Variants in MINK1 observed in about 807,000 individuals in gnomAD.
MINK1 encodes the protein misshapen-like kinase 1.
MINK1 carries 46 observed loss-of-function variants against 178.4 expected under a neutral mutation model. The observed-to-expected ratio is 0.26, with a 90% CI of 0.20 to 0.33. MINK1 has a LOEUF of 0.33. Among genes scored for constraint, MINK1 ranks in the 10% least tolerant of loss-of-function variants. MINK1 has a pLI of 1.00. For missense variants in MINK1, 1,366 were observed against 1,814.9 expected (o/e 0.75, Z 4.49); for synonymous variants, 797 against 709.7 (o/e 1.12, Z -1.96).
At chr17:4,861,213 C>G (rs527391808) in intron 1 of MINK1, among the ~76,000 whole-genome samples, 3 of 152,224 alleles carry the variant, frequency 2.0e-5, no homozygotes, top group Non-Finnish European at 4.4e-5. Flanking sequence ...CCAGGACGTG[C>G]TGCTTGGGGC....
chr17:4,890,264 G>T, intron 13 of MINK1: 1 of 1,233,014 alleles, frequency 8.1e-7, no homozygotes, highest in Non-Finnish European at 1.0e-6. Context: ...GCGACAGCTC[G>T]AGATCCTTCA....
chr17:4,892,895 G>T (rs1969005061), intron 19 of MINK1, 84 bp from the exon 20 acceptor site: 2 of 1,416,752 alleles, frequency 1.4e-6, no homozygotes, highest in East Asian at 5.0e-5. Flanking sequence ...ATGGAACTTG[G>T]GGCTGAGTTC....
Position 4,895,468 on chromosome 17 carries a change from G to T in MINK1, c.3204G>T (p.Gly1068=), listed in dbSNP as rs1969349096. Residue 1068 remains glycine, a synonymous_variant, in exon 26 of 32, where the codon GGG becomes GGT. Coordinates refer to ENST00000355280, the MANE Select transcript of MINK1 (RefSeq NM_153827.5). The surrounding 1 kb of genome is among the most constrained non-coding windows in gnomAD (Gnocchi z 4.3). The part of the protein sequence containing the change: ...RRFQQMDVLE[G]LNLLITISGK... ...TCCAGCAGATGGATGTGCTGGAGGG[G>T]CTCAACCTGCTCATCACCATCTCAG... The T allele has an allele frequency of 6.3e-7, 1 of 1,591,640 alleles. No individual in the cohort carries two copies. Among genetic ancestry groups the T allele is most frequent in the African/African-American group, 1.3e-5 (1 of 74,750 alleles).
rs559627643 is a variant in MINK1, at chr17:4,897,568, C to A, written c.*281C>A. 1.2e-5 allele frequency: 5 copies of A among 401,206 alleles called. No individual in the cohort carries two copies. Among genetic ancestry groups the A allele is most frequent in the South Asian group, 9.7e-5 (3 of 30,924 alleles). 24.9% of individuals were successfully genotyped at this position (401,206 alleles called of 1,614,324 possible). A position where few individuals can be genotyped will look rare whatever the true frequency, so the allele number is the denominator to read the frequency against. On this transcript the variant is annotated 3_prime_UTR_variant, in exon 32 of 32. Transcript: ENST00000355280. Reference sequence around the variant, plus strand: ...AATTGAGTGGGCCTAGCCCCTCCCCCCTTTTCTCCATTTGAGAGGAGAGTG... The same window carrying A: ...AATTGAGTGGGCCTAGCCCCTCCCCACTTTTCTCCATTTGAGAGGAGAGTG...
At chr17:4,848,267 A>G (rs141672411) in intron 1 of MINK1, among the ~76,000 whole-genome samples, 3 of 152,260 alleles carry the variant, frequency 2.0e-5, no homozygotes, top group African/African-American at 7.2e-5. Context: ...GCTCCCTGCA[A>G]CTGCACAGAC....
rs770318950 is a variant in MINK1, at chr17:4,895,767, A to C, written c.3299A>C (p.Glu1100Ala). The change falls in exon 27 of 32, where the codon GAA becomes GCA. Residue 1100 changes from glutamate to alanine, a missense_variant. Physicochemically the swap from Glu to Ala is moderately radical, Grantham distance 107 (BLOSUM62 -1). This residue lies in a region of MINK1 where 77 missense variants were observed against 119.5 expected (regional missense o/e 0.64). Coordinates refer to ENST00000355280, the MANE Select transcript of MINK1 (RefSeq NM_153827.5). This position sits in a 1 kb window ranked among gnomAD's most constrained non-coding sequence, Gnocchi z 4.3. The stretch of plus-strand genomic sequence containing the variant: ...AACAAGATTCTGCACAATGACCCAG[A>C]AGTGGAGAAGAAGCAGGGCTGGACC... ...LRNKILHNDP[E>A]VEKKQGWTTV... is the part of the protein sequence containing the mutation. The C allele has an allele frequency of 6.2e-7, 1 of 1,613,816 alleles. No individual in the cohort carries two copies. Among genetic ancestry groups the C allele is most frequent in the Admixed American group, 1.7e-5 (1 of 60,002 alleles).
chr17:4,896,165 A>G lies in MINK1; in HGVS notation c.3466-28A>G. 6.2e-7 allele frequency: 1 copy of G among 1,602,018 alleles called. No individual in the cohort carries two copies. The highest frequency in any genetic ancestry group is 8.5e-7 in the Non-Finnish European group (1 of 1,173,572). On this transcript the variant is annotated intron_variant, in intron 28 of 31. Coordinates refer to ENST00000355280, the MANE Select transcript of MINK1 (RefSeq NM_153827.5). This position sits in a 1 kb window ranked among gnomAD's most constrained non-coding sequence, Gnocchi z 4.6. Reference sequence around the variant, plus strand: ...CCCAGCGCCTCTCCCCGTGCCCCTGAGCCCTCCTCTCCTCCGGTTCTCTGC... The same window carrying G: ...CCCAGCGCCTCTCCCCGTGCCCCTGGGCCCTCCTCTCCTCCGGTTCTCTGC...
chr17:4,851,040 T>C (rs1911872384), intron 1 of MINK1: 3 of 459,354 alleles, frequency 6.5e-6, no homozygotes, highest in South Asian at 4.6e-5. Flanking sequence ...TCCTCCCTTC[T>C]GTCTCACCTG....
In MINK1 at chr17:4,894,641, C is replaced by T. The variant is rs1969243788; in HGVS notation, c.2917+8C>T. 1.9e-6 allele frequency: 3 copies of T among 1,589,196 alleles called. No individual in the cohort carries two copies. The highest frequency in any genetic ancestry group is 2.7e-5 in the African/African-American group (2 of 74,494). ...ACAGCATCCCCATCACAGGTGAGGA[C>T]AGGAGGACAGACCTGCTGTGAGGCC... On this transcript the variant is annotated splice_region_variant and intron_variant, in intron 24 of 31. Coordinates refer to ENST00000355280, the MANE Select transcript of MINK1 (RefSeq NM_153827.5). This position sits in a 1 kb window ranked among gnomAD's most constrained non-coding sequence, Gnocchi z 4.1.
chr17:4,892,334 A>G, intron 17 of MINK1, 68 bp from the exon 18 acceptor site: 1 of 1,467,610 alleles, frequency 6.8e-7, no homozygotes, highest in Non-Finnish European at 9.3e-7. Flanking sequence ...TGGGGGTGGG[A>G]AAGCCCCAGC....
chr17:4,875,563 A>T, intron 1 of MINK1: 1 of 445,582 alleles, frequency 2.2e-6, no homozygotes, highest in Non-Finnish European at 4.5e-6. Context: ...ACCTGAGGTC[A>T]AGAGTTTGAG....
Position 4,892,187 on chromosome 17 carries a change from C to T in MINK1, c.2040C>T (p.Asn680=). 6.2e-7 allele frequency: 1 copy of T among 1,601,602 alleles called. No homozygotes were observed. ...QRTSSIATAL[N]TSGAGGSRPA... Reference sequence around the variant, plus strand: ...CCTCATCTATCGCCACTGCCCTTAACACCAGTGGGGCCGGAGGGTCCCGGC... The same window carrying T: ...CCTCATCTATCGCCACTGCCCTTAATACCAGTGGGGCCGGAGGGTCCCGGC... The change falls in exon 17 of 32, where the codon AAC becomes AAT. Residue 680 remains asparagine (N), a synonymous_variant. Transcript: ENST00000355280.
chr17:4,877,328 G>A (rs533944187), intron 1 of MINK1, among the ~76,000 whole-genome samples: 175 of 152,272 alleles, frequency 1.1e-3, no homozygotes, highest in Admixed American at 3.7e-3. Context: ...TGAGCCCTTC[G>A]GGCTGTCTCC....
At position 4,890,772 on chromosome 17, in the gene MINK1, C is replaced by G. The variant is rs376105733; in HGVS notation, c.1566+37C>G. The G allele has an allele frequency of 4.6e-6, 7 of 1,535,874 alleles. No homozygotes were observed. The South Asian group carries it at 7.3e-5, about 16-fold the overall frequency. On this transcript the variant is annotated intron_variant, in intron 14 of 31. Coordinates refer to ENST00000355280, the MANE Select transcript of MINK1 (RefSeq NM_153827.5). ...CTCCTTTGCCTCCTGAGACTGCAGT[C>G]CCACTGCCTGAGGCCTGGAGAGCCA... is the stretch of plus-strand genomic sequence containing the variant.
intron 16 of MINK1, 100 bp downstream of exon 16, chr17:4,891,816 G>A (rs532785673): frequency 1.7e-5 from 25 of 1,435,860 alleles, no homozygotes; most frequent in Admixed American, 1.6e-4. Flanking sequence ...AGTGCAGGGC[G>A]GGAAGCGAGA....
rs71367860 is a variant in MINK1, at chr17:4,873,617, C to CTTTTTTTTTTT, written c.58-4691_58-4681dup. On this transcript the variant is annotated intron_variant, in intron 1 of 31. Transcript: ENST00000355280. Reference sequence around the variant, plus strand: ...GGTCTTCGCCACTCTTTTTTCTTTTCTTTTTTTTTTTTTTTTTTTGAGAAG... The same window carrying CTTTTTTTTTTT: ...GGTCTTCGCCACTCTTTTTTCTTTTCTTTTTTTTTTTTTTTTTTTTTTTTTTTTTTGAGAAG... 1.9e-5 allele frequency among the ~76,000 whole-genome samples: 2 copies of CTTTTTTTTTTT among 108,086 alleles called. 1 individual carries two copies. The allele number at this position is 108,086 out of a possible 152,430, so 70.9% of individuals were successfully genotyped here.
intron 2 of MINK1, among the ~76,000 whole-genome samples, chr17:4,878,712 C>T (rs1967424667): frequency 6.6e-6 from 1 of 152,150 alleles, no homozygotes; most frequent in South Asian, 2.1e-4. Flanking sequence ...GAGCTAAGGC[C>T]AGAGATGTGG....
intron 1 of MINK1, among the ~76,000 whole-genome samples, chr17:4,840,322 G>A (rs1339195478): frequency 6.6e-6 from 1 of 152,146 alleles, no homozygotes; most frequent in South Asian, 2.1e-4. Context: ...AGAAGCCTGA[G>A]GATGGGGTGG....
chr17:4,896,675 C>A lies in MINK1; in HGVS notation c.3777C>A (p.Ala1259=). 1 of 1,601,834 alleles carries A rather than the reference C, an allele frequency of 6.2e-7. No homozygotes were observed. Among genetic ancestry groups the A allele is most frequent in the Non-Finnish European group, 8.5e-7 (1 of 1,172,728 alleles). The stretch of plus-strand genomic sequence containing the variant: ...CAGCCCCTCACCTGTTCCCCACAGC[C>A]TACATCTGCTCCAACCAGATAATGG... ...LQWGEMPTSV[A]YICSNQIMGW... Residue 1259 remains alanine, a splice_region_variant and synonymous_variant, in exon 31 of 32, where the codon GCC becomes GCA. Coordinates refer to ENST00000355280, the MANE Select transcript of MINK1 (RefSeq NM_153827.5). This position sits in a 1 kb window ranked among gnomAD's most constrained non-coding sequence, Gnocchi z 4.6.
Sources: allele counts gnomAD v4.1 joint callset (sites outside exome capture counted in the v4.1 genomes callset), GRCh38; gene constraint gnomAD v4.1.1; regional missense constraint gnomAD v4.1.1; non-coding constraint Gnocchi (gnomAD v3.1); transcripts MANE v1.5; gene names NCBI Gene and HGNC (gene_info 2026-07-23, HGNC 2026-07-21).